Variants in SGK3 observed in about 807,000 individuals in gnomAD.
SGK3 encodes serum/glucocorticoid regulated kinase family member 3, also known as serine/threonine-protein kinase Sgk3.
SGK3 carries 47 observed loss-of-function variants against 68.5 expected under a neutral mutation model. The ratio of observed to expected loss-of-function variants is 0.69; its 90% CI spans 0.54 to 0.87. The LOEUF (loss-of-function observed/expected upper bound fraction) is 0.87, where lower values mean the gene tolerates loss of function less well. Among genes scored for constraint, SGK3 ranks in the 40% least tolerant of loss-of-function variants. The pLI is 0.00. For synonymous variants in SGK3, 181 were observed against 189.1 expected (o/e 0.96, Z 0.35); for missense variants, 479 against 575.5 (o/e 0.83, Z 1.72).
intron 2 of SGK3, among the ~76,000 whole-genome samples, chr8:66,797,293 T>A (rs1807737316): frequency 6.6e-6 from 1 of 152,250 alleles, no homozygotes; most frequent in African/African-American, 2.4e-5. Context: ...TCTAGGCTTG[T>A]CTGATCCCAG....
chr8:66,854,988 A>AT (rs1810450232), intron 16 of SGK3, among the ~76,000 whole-genome samples: 1 of 152,134 alleles, frequency 6.6e-6, no homozygotes. Context: ...GTCTCTAACA[A>AT]CAACAACAAC....
intron 1 of SGK3, among the ~76,000 whole-genome samples, chr8:66,782,149 G>C (rs1807012710): frequency 1.3e-5 from 2 of 152,296 alleles, no homozygotes; most frequent in African/African-American, 4.8e-5. Context: ...TAGACTTTCA[G>C]TAAAGTAACC....
intron 10 of SGK3, among the ~76,000 whole-genome samples, chr8:66,839,375 T>G (rs1259971783): frequency 2.7e-5 from 4 of 149,390 alleles, no homozygotes; most frequent in African/African-American, 9.8e-5. Flanking sequence ...CCAGAGCTTA[T>G]CTTTTTAAAA....
intron 1 of SGK3, among the ~76,000 whole-genome samples, chr8:66,789,548 C>T (rs763332579): frequency 9.8e-5 from 15 of 152,304 alleles, no homozygotes; most frequent in Non-Finnish European, 1.8e-4. Flanking sequence ...TCCTATTGGA[C>T]CCACTGTGAG....
intron 5 of SGK3, among the ~76,000 whole-genome samples, chr8:66,820,069 G>C (rs1301985236): frequency 6.6e-6 from 1 of 152,074 alleles, no homozygotes; most frequent in Non-Finnish European, 1.5e-5. Flanking sequence ...ACCCGCCTCA[G>C]CTTCCCAAAG....
intron 1 of SGK3, among the ~76,000 whole-genome samples, chr8:66,730,467 G>A (rs1428387732): frequency 6.6e-6 from 1 of 151,880 alleles, no homozygotes; most frequent in Admixed American, 6.6e-5. Flanking sequence ...CATTTACTCG[G>A]TTTTTTTCTT....
At chr8:66,807,317 G>A (rs1031195350) in intron 4 of SGK3, among the ~76,000 whole-genome samples, 1 of 152,130 alleles carries the variant, frequency 6.6e-6, no homozygotes, top group African/African-American at 2.4e-5. Flanking sequence ...TTGGGTTGGA[G>A]TTCTGTAGAG....
intron 1 of SGK3, among the ~76,000 whole-genome samples, chr8:66,734,232 T>TC (rs1805250724): frequency 1.4e-5 from 2 of 141,580 alleles, no homozygotes; most frequent in South Asian, 4.2e-4. Context: ...TTCTTTCTTT[T>TC]TTTTTTTTTT....
At chr8:66,797,907 C>G (rs191288904) in intron 2 of SGK3, among the ~76,000 whole-genome samples, 2 of 152,254 alleles carry the variant, frequency 1.3e-5, no homozygotes, top group Admixed American at 1.3e-4. Flanking sequence ...TGAGTGTTGA[C>G]TATGTTATTC....
At chr8:66,801,596 A>G (rs1002067710) in intron 3 of SGK3, among the ~76,000 whole-genome samples, 1 of 152,092 alleles carries the variant, frequency 6.6e-6, no homozygotes, top group Non-Finnish European at 1.5e-5. Context: ...TGCTCGGGTA[A>G]AAATGACATG....
chr8:66,764,237 A>C (rs895136175), intron 1 of SGK3, among the ~76,000 whole-genome samples: 1 of 149,854 alleles, frequency 6.7e-6, no homozygotes, highest in South Asian at 2.1e-4. Flanking sequence ...TTTTTTTATA[A>C]TTTTTTTTTT....
intron 2 of SGK3, 152 bp from the exon 3 acceptor site, chr8:66,798,390 T>A (rs147705165): frequency 9.4e-6 from 5 of 534,178 alleles, no homozygotes. Flanking sequence ...AATGTTAATA[T>A]CAGTTTCGGA....
In SGK3 at chr8:66,810,275, GA is replaced by G. The variant is rs549049097; in HGVS notation, c.254-3566del. Among the ~76,000 whole-genome samples, 351 of 127,686 alleles carry G rather than the reference GA, an allele frequency of 2.7e-3. 3 individuals are homozygous for G. The highest frequency in any genetic ancestry group is 4.2e-3 in the Non-Finnish European group (248 of 58,838). 83.8% of individuals were successfully genotyped at this position (127,686 alleles called of 152,430 possible). ...CTGAGAATTGCTTTAAAATATTCCA[GA>G]AAAAAAAAAAATAAAAGGTGAGGAA... On this transcript the variant is annotated intron_variant, in intron 4 of 16. Coordinates refer to ENST00000521198, the MANE Select transcript of SGK3 (RefSeq NM_001033578.3).
chr8:66,843,358 G>A lies in SGK3; in HGVS notation c.979-94G>A. The A allele has an allele frequency of 4.7e-6, 6 of 1,276,112 alleles. No homozygotes were observed. In the East Asian group the frequency reaches 1.3e-4, roughly 27 times the overall value. The allele number at this position is 1,276,112 out of a possible 1,614,324, so 79.0% of individuals were successfully genotyped here. On this transcript the variant is annotated intron_variant, in intron 13 of 16. Transcript: ENST00000521198. ...TAGATAATTTGGTTTCAGTATGATA[G>A]CAACAACTAAAATTTGTTAAATTTC...
At chr8:66,752,698 A>G (rs1469694374) in intron 1 of SGK3, among the ~76,000 whole-genome samples, 2 of 152,060 alleles carry the variant, frequency 1.3e-5, no homozygotes, top group African/African-American at 4.8e-5. Context: ...GGAAGTAGCT[A>G]AAGGGGGCCA....
intron 1 of SGK3, 25 bp from the exon 2 acceptor site, chr8:66,793,579 TTTTGCTAATCAC>T: frequency 6.2e-6 from 4 of 642,898 alleles, no homozygotes; most frequent in Non-Finnish European, 1.0e-5. Flanking sequence ...TTTAAAGTTG[TTTTGCTAATCAC>T]TTTTTTTTTT....
intron 10 of SGK3, among the ~76,000 whole-genome samples, chr8:66,837,606 C>T (rs1213111097): frequency 6.6e-6 from 1 of 152,066 alleles, no homozygotes; most frequent in Admixed American, 6.6e-5. Context: ...CATGGCGAAA[C>T]CCCATCTCTA....
chr8:66,839,977 C>G, intron 10 of SGK3, 26 bp from the exon 11 acceptor site: 2 of 1,597,730 alleles, frequency 1.3e-6, no homozygotes, highest in South Asian at 2.2e-5. Flanking sequence ...TTCTCTCTCC[C>G]CCCACCCCCA....
chr8:66,782,444 G>A (rs934803506), intron 1 of SGK3, among the ~76,000 whole-genome samples: 1 of 151,830 alleles, frequency 6.6e-6, no homozygotes, highest in Non-Finnish European at 1.5e-5. Context: ...CCACCAGAGT[G>A]GTACATATGT....
Sources: allele counts gnomAD v4.1 joint callset (sites outside exome capture counted in the v4.1 genomes callset), GRCh38; gene constraint gnomAD v4.1.1; transcripts MANE v1.5; gene names NCBI Gene and HGNC (gene_info 2026-07-23, HGNC 2026-07-21).